The following DPP6 variants were observed in gnomAD, a reference collection of about 807,000 sequenced individuals.
DPP6 encodes A-type potassium channel modulatory protein DPP6.
Under a neutral mutation model 122.6 loss-of-function variants are expected in DPP6, and 69 were observed. The ratio of observed to expected loss-of-function variants is 0.56; its 90% CI spans 0.46 to 0.69. The LOEUF is 0.69. DPP6 is among the 30% of genes least tolerant of loss of function. The probability of loss-of-function intolerance (pLI) is 0.00; values close to 1 mark genes in which losing one functional copy is unlikely to be tolerated. For missense variants in DPP6, 928 were observed against 1,116.9 expected, an observed-to-expected ratio of 0.83 and a Z score of 2.41; for synonymous variants, 418 against 433.1, an observed-to-expected ratio of 0.97 and a Z score of 0.43.
At chr7:154,687,772 C>G (rs969485326) in intron 7 of DPP6, among the ~76,000 whole-genome samples, 12 of 152,166 alleles carry the variant, frequency 7.9e-5, no homozygotes, top group Non-Finnish European at 1.6e-4. Context: ...AGGACATAGT[C>G]TCGTAGATTA....
At chr7:153,800,456 G>A in the DPP6 span, among the ~76,000 whole-genome samples, 20 of 152,258 alleles carry the variant, frequency 1.3e-4, no homozygotes, top group Middle Eastern at 3.4e-3. Context: ...GTTGCTTAAT[G>A]GGTGCAAAAA....
At chr7:154,536,217 A>G (rs1356031285) in intron 3 of DPP6, among the ~76,000 whole-genome samples, 1 of 152,180 alleles carries the variant, frequency 6.6e-6, no homozygotes, top group East Asian at 1.9e-4. Flanking sequence ...GTGTGATTCT[A>G]TTTGTAAGAA....
At chr7:153,788,551 G>A in the DPP6 span, among the ~76,000 whole-genome samples, 1 of 152,188 alleles carries the variant, frequency 6.6e-6, no homozygotes, top group African/African-American at 2.4e-5. Flanking sequence ...ATTGGCTGGT[G>A]TGACACAGTT....
intron 1 of DPP6, among the ~76,000 whole-genome samples, chr7:153,927,888 T>A (rs6976852): frequency 0.95 from 144,120 of 152,062 alleles, 68,308 homozygotes; most frequent in East Asian, 1. Context: ...TATCCTTTAT[T>A]AAAAACAGTA....
At chr7:154,791,686 G>A (rs757248064) in intron 10 of DPP6, among the ~76,000 whole-genome samples, 7 of 152,296 alleles carry the variant, frequency 4.6e-5, no homozygotes, top group Middle Eastern at 3.4e-3. Context: ...ACACATCCTT[G>A]CCTCCTTCTA....
intron 1 of DPP6, among the ~76,000 whole-genome samples, chr7:153,918,590 C>CACACACAG (rs1462928053): frequency 1.4e-5 from 1 of 72,876 alleles, no homozygotes; most frequent in African/African-American, 5.0e-5. Context: ...CTCTCTCTCT[C>CACACACAG]TCTCTCTCTC....
At chr7:154,798,258 CA>C (rs200259484) in intron 12 of DPP6, among the ~76,000 whole-genome samples, 245 of 152,328 alleles carry the variant, frequency 1.6e-3, no homozygotes, top group African/African-American at 5.6e-3. Context: ...GCGCTCACTT[CA>C]TTAGCTCTAC....
At chr7:154,601,283 G>A (rs1833401663) in intron 5 of DPP6, among the ~76,000 whole-genome samples, 1 of 121,080 alleles carries the variant, frequency 8.3e-6, no homozygotes, top group South Asian at 3.4e-4. Context: ...CTTTTGCTGT[G>A]AATTACTGTG....
At chr7:154,601,473 C>A (rs1260650781) in intron 5 of DPP6, among the ~76,000 whole-genome samples, 3 of 120,382 alleles carry the variant, frequency 2.5e-5, no homozygotes, top group African/African-American at 7.9e-5. Flanking sequence ...GGTAGTATTC[C>A]TTTGTCTCTG....
At chr7:153,922,561 C>G (rs1249286751) in intron 1 of DPP6, among the ~76,000 whole-genome samples, 1 of 152,176 alleles carries the variant, frequency 6.6e-6, no homozygotes, top group Non-Finnish European at 1.5e-5. Flanking sequence ...CTGCATTTCT[C>G]CAGGTCTGAG....
At chr7:154,555,671 A>G (rs1475652381) in intron 4 of DPP6, among the ~76,000 whole-genome samples, 1 of 152,032 alleles carries the variant, frequency 6.6e-6, no homozygotes, top group East Asian at 1.9e-4. Flanking sequence ...TAATAAGAAC[A>G]TATCTTAATA....
chr7:154,164,256 C>CT (rs1359900140), intron 1 of DPP6, among the ~76,000 whole-genome samples: 1 of 135,476 alleles, frequency 7.4e-6, no homozygotes, highest in Non-Finnish European at 1.6e-5. Flanking sequence ...GCCTCCTTCT[C>CT]TTTCCCTCTC....
intron 1 of DPP6, among the ~76,000 whole-genome samples, chr7:153,901,234 T>TGAA (rs531293139): frequency 9.7e-4 from 147 of 152,188 alleles, no homozygotes; most frequent in Non-Finnish European, 1.6e-3. Context: ...CTGAAGCTTC[T>TGAA]GTGTGATCCA....
intron 5 of DPP6, among the ~76,000 whole-genome samples, chr7:154,622,776 C>G (rs995034684): frequency 1.3e-5 from 2 of 152,190 alleles, no homozygotes; most frequent in Admixed American, 6.5e-5. Context: ...GTACAGCACA[C>G]ATGGACCACG....
At chr7:153,940,167 C>T (rs528639648) in intron 1 of DPP6, among the ~76,000 whole-genome samples, 2 of 152,074 alleles carry the variant, frequency 1.3e-5, no homozygotes, top group Non-Finnish European at 2.9e-5. Flanking sequence ...AGAAAGCACC[C>T]AGAAGGAAAG....
chr7:154,227,831 G>A (rs1417180374), intron 1 of DPP6, among the ~76,000 whole-genome samples: 3 of 152,182 alleles, frequency 2.0e-5, no homozygotes, highest in Admixed American at 1.3e-4. Flanking sequence ...CTATTTGAAT[G>A]GATCATCAGG....
rs1259036870 is a variant in DPP6, at chr7:154,060,620, A to C, written c.243+7557A>C. On this transcript the variant is annotated intron_variant, in intron 1 of 25. Coordinates refer to ENST00000377770, the MANE Select transcript of DPP6 (RefSeq NM_130797.4). ...GTCCCTCTTCCCCCCCCTGGCTCTG[A>C]GGACCCCCATCGCAGGAGGGGGAGG... 1.7e-3 allele frequency among the ~76,000 whole-genome samples: 221 copies of C among 132,222 alleles called. 3 individuals are homozygous for C. Among genetic ancestry groups the C allele is most frequent in the Non-Finnish European group, 1.9e-3 (114 of 61,272 alleles). The allele number at this position is 132,222 out of a possible 152,430, so 86.7% of individuals were successfully genotyped here.
At chr7:154,285,988 T>A (rs1007950041) in intron 1 of DPP6, among the ~76,000 whole-genome samples, 1 of 152,202 alleles carries the variant, frequency 6.6e-6, no homozygotes, top group Non-Finnish European at 1.5e-5. Context: ...TGTCATCCAT[T>A]TTTCCCTGTC....
intron 8 of DPP6, among the ~76,000 whole-genome samples, chr7:154,729,397 G>T (rs891940520): frequency 2.0e-5 from 3 of 149,976 alleles, no homozygotes; most frequent in African/African-American, 7.2e-5. Context: ...GGATATGCAA[G>T]CTTAGTGTTA....
Sources: allele counts gnomAD v4.1 joint callset (sites outside exome capture counted in the v4.1 genomes callset), GRCh38; gene constraint gnomAD v4.1.1; transcripts MANE v1.5; gene names NCBI Gene and HGNC (gene_info 2026-07-23, HGNC 2026-07-21).